Variants in CDKAL1 observed in about 807,000 individuals in gnomAD.
The protein encoded by CDKAL1 is threonylcarbamoyladenosine tRNA methylthiotransferase.
In CDKAL1, 32 loss-of-function variants were observed where a neutral mutation model predicts 68.2. The observed-to-expected ratio is 0.47, with a 90% CI of 0.35 to 0.63. The LOEUF (loss-of-function observed/expected upper bound fraction) is 0.63. Among genes scored for constraint, CDKAL1 ranks in the 30% least tolerant of loss-of-function variants. The probability of loss-of-function intolerance (pLI) is 0.00; values close to 1 mark genes in which losing one functional copy is unlikely to be tolerated. For synonymous variants in CDKAL1, 234 were observed against 244.3 expected (o/e 0.96, Z 0.39); for missense variants, 606 against 696.7 (o/e 0.87, Z 1.47).
At chr6:21,084,080 G>A (rs180682361) in intron 12 of CDKAL1, among the ~76,000 whole-genome samples, 1 of 152,204 alleles carries the variant, frequency 6.6e-6, no homozygotes, top group East Asian at 1.9e-4. Context: ...TATTGAATAG[G>A]ATTGTAGAAG....
At chr6:20,867,449 CA>C (rs1199607997) in intron 9 of CDKAL1, among the ~76,000 whole-genome samples, 2 of 152,106 alleles carry the variant, frequency 1.3e-5, no homozygotes, top group Non-Finnish European at 2.9e-5. Flanking sequence ...TGTGAATGTT[CA>C]AAAAACACGA....
chr6:20,614,064 A>T lies in CDKAL1; in HGVS notation c.287-35229A>T, dbSNP rs530763957. On this transcript the variant is annotated intron_variant, in intron 4 of 15. Coordinates refer to ENST00000274695, the MANE Select transcript of CDKAL1 (RefSeq NM_017774.3). The stretch of plus-strand genomic sequence containing the variant: ...TTAGTTTGCATTTCTTACAAGGGTG[A>T]TTTTTTGTTTCATTTTCTGTGACCT... 9.2e-4 allele frequency among the ~76,000 whole-genome samples: 140 copies of T among 151,952 alleles called. 1 individual carries two copies. The Middle Eastern group carries it at 0.014, about 15-fold the overall frequency.
intron 5 of CDKAL1, among the ~76,000 whole-genome samples, chr6:20,734,863 CTTT>C (rs34104100): frequency 0.17 from 14,893 of 86,800 alleles, 730 homozygotes; most frequent in East Asian, 0.34. Flanking sequence ...TGCTGCACCT[CTTT>C]TTTTTTTTTT....
intron 5 of CDKAL1, among the ~76,000 whole-genome samples, chr6:20,701,816 T>C (rs1771375836): frequency 6.6e-6 from 1 of 152,184 alleles, no homozygotes; most frequent in African/African-American, 2.4e-5. Context: ...TTTGTATGTG[T>C]AGTTTAATCA....
At chr6:20,987,710 T>C (rs1160420066) in intron 10 of CDKAL1, among the ~76,000 whole-genome samples, 2 of 152,204 alleles carry the variant, frequency 1.3e-5, no homozygotes, top group African/African-American at 4.8e-5. Flanking sequence ...AGAAAAAGGA[T>C]GCTGTGCTAT....
intron 8 of CDKAL1, among the ~76,000 whole-genome samples, chr6:20,821,487 T>G (rs1777276934): frequency 6.6e-6 from 1 of 152,194 alleles, no homozygotes; most frequent in East Asian, 1.9e-4. Context: ...TCTGTATTTC[T>G]TTCCTCCATA....
chr6:21,187,059 C>T (rs1027461961), intron 13 of CDKAL1, among the ~76,000 whole-genome samples: 1 of 152,136 alleles, frequency 6.6e-6, no homozygotes, highest in African/African-American at 2.4e-5. Context: ...TTCTTTTATT[C>T]ATGTGAAATT....
chr6:20,810,867 C>A (rs1328386435), intron 8 of CDKAL1, among the ~76,000 whole-genome samples: 3 of 151,982 alleles, frequency 2.0e-5, no homozygotes, highest in East Asian at 3.9e-4. Flanking sequence ...ACCCACCCTA[C>A]CCCCAGTATT....
chr6:20,739,047 G>T (rs1773327070), intron 5 of CDKAL1, among the ~76,000 whole-genome samples: 2 of 152,036 alleles, frequency 1.3e-5, no homozygotes, highest in Admixed American at 6.6e-5. Context: ...AGCACGTAGG[G>T]TATTATACCT....
chr6:20,825,253 A>G (rs767068834), intron 8 of CDKAL1, among the ~76,000 whole-genome samples: 1 of 151,854 alleles, frequency 6.6e-6, no homozygotes, highest in Non-Finnish European at 1.5e-5. Flanking sequence ...TATATTCCCC[A>G]TATATATTTT....
At chr6:20,902,374 CCTTTAATAAA>C (rs1762044777) in intron 9 of CDKAL1, among the ~76,000 whole-genome samples, 1 of 149,588 alleles carries the variant, frequency 6.7e-6, no homozygotes, top group African/African-American at 2.5e-5. Context: ...GTTTATTGGG[CCTTTAATAAA>C]CTGAGTTTAG....
At chr6:20,943,328 C>CAAAAAAAAAAAAAAAAAAAA (rs34759060) in intron 9 of CDKAL1, among the ~76,000 whole-genome samples, 4 of 50,998 alleles carry the variant, frequency 7.8e-5, no homozygotes, top group African/African-American at 1.8e-4. Flanking sequence ...CTTGTTTTTT[C>CAAAAAAAAAAAAAAAAAAAA]AAAAAAAAAA....
chr6:20,881,370 A>T (rs940525874), intron 9 of CDKAL1, among the ~76,000 whole-genome samples: 4 of 152,184 alleles, frequency 2.6e-5, no homozygotes, highest in African/African-American at 9.7e-5. Flanking sequence ...ATATATAATC[A>T]TAGCATATAT....
At chr6:20,928,685 C>CTTTTTTTTTTTTTT (rs55795720) in intron 9 of CDKAL1, among the ~76,000 whole-genome samples, 1 of 120,186 alleles carries the variant, frequency 8.3e-6, no homozygotes, top group Non-Finnish European at 1.7e-5. Context: ...TTACAATATT[C>CTTTTTTTTTTTTTT]TTTTTTTTTT....
chr6:21,011,294 G>C lies in CDKAL1; in HGVS notation c.1055+10922G>C, dbSNP rs1768006144. Among the ~76,000 whole-genome samples the C allele has an allele frequency of 2.6e-5, 4 of 151,800 alleles. No individual in the cohort carries two copies. The Middle Eastern group carries it at 0.014, about 520-fold the overall frequency. ...AGCTACTCGGGAGGCTGATGCAGGA[G>C]AATGGTGTGAACCCGGGAGGCAGAG... On this transcript the variant is annotated intron_variant, in intron 11 of 15. Transcript: ENST00000274695.
At chr6:20,549,944 G>A (rs989786717) in intron 4 of CDKAL1, among the ~76,000 whole-genome samples, 1 of 151,386 alleles carries the variant, frequency 6.6e-6, no homozygotes, top group African/African-American at 2.4e-5. Context: ...TTTCTCTAAG[G>A]AAGAGCTGTC....
At chr6:20,882,037 C>G (rs1250053970) in intron 9 of CDKAL1, among the ~76,000 whole-genome samples, 1 of 152,158 alleles carries the variant, frequency 6.6e-6, no homozygotes, top group Non-Finnish European at 1.5e-5. Flanking sequence ...GATATGTAGC[C>G]TGATGGGATT....
chr6:20,736,492 C>A (rs771565271), intron 5 of CDKAL1, among the ~76,000 whole-genome samples: 4 of 152,070 alleles, frequency 2.6e-5, no homozygotes, highest in African/African-American at 9.7e-5. Context: ...ATCTTCCGGC[C>A]GGGGGCGGTG....
chr6:20,599,003 A>G (rs1243226520), intron 4 of CDKAL1, among the ~76,000 whole-genome samples: 4 of 152,004 alleles, frequency 2.6e-5, no homozygotes, highest in Admixed American at 6.5e-5. Context: ...GTATTGTTAT[A>G]TCATTTTATT....
Sources: allele counts gnomAD v4.1 joint callset (sites outside exome capture counted in the v4.1 genomes callset), GRCh38; gene constraint gnomAD v4.1.1; transcripts MANE v1.5; gene names NCBI Gene and HGNC (gene_info 2026-07-23, HGNC 2026-07-21).